AGAP1: variants seen among roughly 807,000 people sequenced by gnomAD.
AGAP1 encodes arf-GAP with GTPase, ANK repeat and PH domain-containing protein 1.
A neutral mutation model predicts 105.3 loss-of-function variants in AGAP1; 29 were observed. That is an observed-to-expected ratio of 0.28 (90% CI 0.21 to 0.38). The LOEUF (loss-of-function observed/expected upper bound fraction) is 0.38, where lower values mean the gene tolerates loss of function less well. Ranked by LOEUF, AGAP1 falls within the 10% of genes least tolerant of loss-of-function variation. The pLI is 1.00. For synonymous variants in AGAP1, 509 were observed against 485.9 expected (o/e 1.05, Z -0.63); for missense variants, 998 against 1,165.1 (o/e 0.86, Z 2.09).
At chr2:235,495,985 C>T (rs1423842982) in intron 1 of AGAP1, among the ~76,000 whole-genome samples, 2 of 152,256 alleles carry the variant, frequency 1.3e-5, no homozygotes, top group African/African-American at 4.8e-5. Flanking sequence ...AAGCCTGGTG[C>T]TGGCGTTGCC....
At chr2:235,800,235 A>G (rs146994062) in intron 8 of AGAP1, among the ~76,000 whole-genome samples, 344 of 150,492 alleles carry the variant, frequency 2.3e-3, no homozygotes, top group African/African-American at 7.8e-3. Flanking sequence ...AGTAGCTGGG[A>G]CCATAGGCAC....
chr2:235,782,657 A>G (rs1451739246), intron 6 of AGAP1, among the ~76,000 whole-genome samples: 1 of 152,236 alleles, frequency 6.6e-6, no homozygotes, highest in African/African-American at 2.4e-5. Flanking sequence ...TTATGCTAGT[A>G]ATAGATAAAA....
chr2:235,889,171 CCAAA>C lies in AGAP1; in HGVS notation c.1155+5729_1155+5732del, dbSNP rs762037807. Among the ~76,000 whole-genome samples, 43 of 152,294 alleles carry C rather than the reference CCAAA, an allele frequency of 2.8e-4. No homozygotes were observed. The highest frequency in any genetic ancestry group is 6.5e-4 in the Admixed American group (10 of 15,306). ...GTTCGAAAATAAACCCAGCTCTTGG[CCAAA>C]CAAACAGTCGGTATGTGGCCGTGCT... On this transcript the variant is annotated intron_variant, in intron 10 of 17. Coordinates refer to ENST00000304032, the MANE Select transcript of AGAP1 (RefSeq NM_001037131.3). The surrounding 1 kb of genome is among the most constrained non-coding windows in gnomAD (Gnocchi z 4.6).
intron 13 of AGAP1, among the ~76,000 whole-genome samples, chr2:236,031,927 T>C (rs2057236224): frequency 6.6e-6 from 1 of 152,162 alleles, no homozygotes; most frequent in African/African-American, 2.4e-5. Flanking sequence ...CAGCCTTCAC[T>C]TTCACTGGGA....
chr2:235,968,717 C>A, intron 13 of AGAP1, 94 bp downstream of exon 13: 2 of 1,320,330 alleles, frequency 1.5e-6, no homozygotes, highest in Non-Finnish European at 2.1e-6. Context: ...CTTAGCACAA[C>A]AAATGCACAG....
intron 1 of AGAP1, among the ~76,000 whole-genome samples, chr2:235,509,422 A>G (rs1941973448): frequency 6.6e-6 from 1 of 151,936 alleles, no homozygotes. Context: ...TTTAGTAGAG[A>G]CGGTTTCACC....
chr2:235,670,251 C>A, intron 1 of AGAP1: 1 of 533,496 alleles, frequency 1.9e-6, no homozygotes, highest in Non-Finnish European at 3.4e-6. Flanking sequence ...GGCCCGGACC[C>A]ACGCCCGGTT....
intron 5 of AGAP1, among the ~76,000 whole-genome samples, chr2:235,749,014 C>T (rs571525986): frequency 6.6e-6 from 1 of 152,272 alleles, no homozygotes; most frequent in South Asian, 2.1e-4. Context: ...TTGAGACCAG[C>T]CTGGCCAACA....
chr2:235,638,319 G>A (rs1947077841), intron 1 of AGAP1, among the ~76,000 whole-genome samples: 1 of 152,112 alleles, frequency 6.6e-6, no homozygotes. Context: ...CCCCCTCACA[G>A]TTGCAGCTCT....
chr2:235,539,685 A>G (rs1331070099), intron 1 of AGAP1, among the ~76,000 whole-genome samples: 1 of 151,680 alleles, frequency 6.6e-6, no homozygotes, highest in Non-Finnish European at 1.5e-5. Flanking sequence ...AGATCAACTC[A>G]CCTCTCTTTT....
intron 9 of AGAP1, among the ~76,000 whole-genome samples, chr2:235,840,992 GA>G (rs1019000940): frequency 2.0e-5 from 3 of 151,998 alleles, no homozygotes; most frequent in Admixed American, 2.0e-4. Context: ...TCTCCTAGGA[GA>G]ACAAAAAAGA....
At chr2:235,670,893 T>C in intron 1 of AGAP1, 1 of 1,350,560 alleles carries the variant, frequency 7.4e-7, no homozygotes, top group South Asian at 1.9e-5. Flanking sequence ...CACCGGCTGC[T>C]GCGCTTCTTC....
rs915963579 is a variant in AGAP1, at chr2:236,053,316, T to C, written c.2114+4035T>C. ...CGGGAACTCGTCATCATGGAACACATGTCAGGTGCTCTTGCTACTTCGGGG... is the reference window on the plus strand; with the variant it reads ...CGGGAACTCGTCATCATGGAACACACGTCAGGTGCTCTTGCTACTTCGGGG... On this transcript the variant is annotated intron_variant, in intron 16 of 17. Transcript: ENST00000304032. The surrounding 1 kb of genome is among the most constrained non-coding windows in gnomAD (Gnocchi z 4.6). Among the ~76,000 whole-genome samples the C allele has an allele frequency of 2.6e-5, 4 of 152,214 alleles. No individual in the cohort carries two copies. The highest frequency in any genetic ancestry group is 7.2e-5 in the African/African-American group (3 of 41,454).
rs931350884 is a variant in AGAP1 at position 235,729,006 on chromosome 2, AGAG to A, written c.310+11366_310+11368del. On this transcript the variant is annotated intron_variant, in intron 3 of 17. Coordinates refer to ENST00000304032, the MANE Select transcript of AGAP1 (RefSeq NM_001037131.3). The surrounding 1 kb of genome is among the most constrained non-coding windows in gnomAD (Gnocchi z 5.0). Reference sequence around the variant, plus strand: ...GGTCTTCCATGTCCCAGGGACGGAGAGAGGAGAAGTGGGGTTGGCCAGGCAGAG... The same window carrying A: ...GGTCTTCCATGTCCCAGGGACGGAGAGAGAAGTGGGGTTGGCCAGGCAGAG... Among the ~76,000 whole-genome samples the A allele has an allele frequency of 3.3e-5, 5 of 151,534 alleles. No individual in the cohort carries two copies. The highest frequency in any genetic ancestry group is 7.3e-5 in the African/African-American group (3 of 40,890).
Position 235,965,930 on chromosome 2 carries a change from A to C in AGAP1, c.1484-2532A>C, listed in dbSNP as rs570343084. ...GACAAGCTAGGAATGTTCATTTAGC[A>C]AGAGAGGGGAGCCCATTCCTCTAGG... is the stretch of plus-strand genomic sequence containing the variant. On this transcript the variant is annotated intron_variant, in intron 12 of 17. Coordinates refer to ENST00000304032, the MANE Select transcript of AGAP1 (RefSeq NM_001037131.3). The surrounding 1 kb of genome is among the most constrained non-coding windows in gnomAD (Gnocchi z 5.8). Among the ~76,000 whole-genome samples, 1 of 152,314 alleles carries C rather than the reference A, an allele frequency of 6.6e-6. No individual in the cohort carries two copies. Among genetic ancestry groups the C allele is most frequent in the African/African-American group, 2.4e-5 (1 of 41,564 alleles).
At chr2:236,077,142 A>AT (rs1340851323) in intron 16 of AGAP1, among the ~76,000 whole-genome samples, 1,128 of 106,542 alleles carry the variant, frequency 0.011, 8 homozygotes, top group Non-Finnish European at 0.013. Context: ...AAAAAAAAAA[A>AT]ATATATATAT....
rs1384927627 is a variant in AGAP1 at position 236,105,177 on chromosome 2, C to T, written c.2115-15015C>T. ...GCAAGACATGCATTCAGGCTACCTA[C>T]AAGGAAAAGCAGTTAGATTCGAGCA... On this transcript the variant is annotated intron_variant, in intron 16 of 17. Coordinates refer to ENST00000304032, the MANE Select transcript of AGAP1 (RefSeq NM_001037131.3). This position sits in a 1 kb window ranked among gnomAD's most constrained non-coding sequence, Gnocchi z 4.2. 1.4e-4 allele frequency among the ~76,000 whole-genome samples: 22 copies of T among 152,090 alleles called. No homozygotes were observed.
intron 13 of AGAP1, among the ~76,000 whole-genome samples, chr2:236,004,546 C>A (rs577252999): frequency 9.8e-5 from 15 of 152,332 alleles, no homozygotes; most frequent in African/African-American, 3.4e-4. Context: ...CCCCAAAGAG[C>A]ATCAGGAGGC....
chr2:235,969,509 C>CT (rs1370897368), intron 13 of AGAP1, among the ~76,000 whole-genome samples: 1 of 152,168 alleles, frequency 6.6e-6, no homozygotes, highest in Non-Finnish European at 1.5e-5. Flanking sequence ...CAGTGAGGGT[C>CT]TCATGCCCAG....
Sources: allele counts gnomAD v4.1 joint callset (sites outside exome capture counted in the v4.1 genomes callset), GRCh38; gene constraint gnomAD v4.1.1; non-coding constraint Gnocchi (gnomAD v3.1); transcripts MANE v1.5; gene names NCBI Gene and HGNC (gene_info 2026-07-23, HGNC 2026-07-21).